The following SLC37A3 variants were observed in gnomAD, a reference collection of about 807,000 sequenced individuals.
SLC37A3 encodes the protein solute carrier family 37 member 3.
In SLC37A3, 51 loss-of-function variants were observed where a neutral mutation model predicts 67.1. The observed-to-expected ratio is 0.76, with a 90% CI of 0.61 to 0.96. SLC37A3 has a LOEUF of 0.96. SLC37A3 is among the 40% of genes least tolerant of loss of function. SLC37A3 has a pLI of 0.00. For synonymous variants in SLC37A3, 214 were observed against 231.4 expected, an observed-to-expected ratio of 0.92 and a Z score of 0.68; for missense variants, 508 against 603.0, an observed-to-expected ratio of 0.84 and a Z score of 1.65.
rs1412878036 is a variant in SLC37A3, at chr7:140,357,564, G to GAC, written c.521+1075_521+1076insGT. ...GGCAACACAGACCCTTTCTCTACAGGAAAAAAAAAAAAAAAAGATGACTCA... is the reference window on the plus strand; with the variant it reads ...GGCAACACAGACCCTTTCTCTACAGGACAAAAAAAAAAAAAAAAGATGACTCA... On this transcript the variant is annotated intron_variant, in intron 6 of 14. Transcript: ENST00000326232. 5.1e-5 allele frequency among the ~76,000 whole-genome samples: 6 copies of GAC among 118,674 alleles called. No homozygotes were observed. The East Asian group carries it at 1.4e-3, about 28-fold the overall frequency. The allele number at this position is 118,674 out of a possible 152,430, so 77.9% of individuals were successfully genotyped here. A position where few individuals can be genotyped will look rare whatever the true frequency, so the allele number is the denominator to read the frequency against.
intron 2 of SLC37A3, among the ~76,000 whole-genome samples, chr7:140,381,593 C>T (rs919715612): frequency 3.9e-5 from 6 of 151,950 alleles, no homozygotes; most frequent in African/African-American, 1.5e-4. Context: ...ATCTACTCAG[C>T]AGAAATGTCA....
chr7:140,389,589 G>C (rs1366027563), intron 1 of SLC37A3, among the ~76,000 whole-genome samples: 5 of 152,164 alleles, frequency 3.3e-5, no homozygotes, highest in African/African-American at 9.7e-5. Context: ...GAGAACCACT[G>C]TTTTGCCATT....
At chr7:140,343,278 CG>C in intron 13 of SLC37A3, 133 bp downstream of exon 13, 1 of 1,223,548 alleles carries the variant, frequency 8.2e-7, no homozygotes, top group South Asian at 1.3e-5. Context: ...TGAGGGGAGA[CG>C]GAAGTCCTTG....
intron 1 of SLC37A3, among the ~76,000 whole-genome samples, chr7:140,398,174 T>G (rs1009556396): frequency 2.8e-4 from 43 of 151,730 alleles, no homozygotes; most frequent in Non-Finnish European, 4.0e-4. Context: ...GGCCGCAGGG[T>G]CCCCCGGGGG....
intron 5 of SLC37A3, among the ~76,000 whole-genome samples, chr7:140,362,440 G>C (rs953287063): frequency 7.9e-6 from 1 of 126,532 alleles, no homozygotes; most frequent in Admixed American, 7.8e-5. Flanking sequence ...TCAGCCCCCC[G>C]CCCGGCCAGC....
intron 1 of SLC37A3, among the ~76,000 whole-genome samples, chr7:140,389,578 T>G (rs889040890): frequency 1.3e-4 from 20 of 152,190 alleles, no homozygotes; most frequent in Admixed American, 1.3e-3. Flanking sequence ...GCCGGCTCTG[T>G]GAGAACCACT....
chr7:140,358,499 C>G (rs1585293420), intron 6 of SLC37A3, 141 bp downstream of exon 6: 1 of 1,174,330 alleles, frequency 8.5e-7, no homozygotes, highest in Non-Finnish European at 1.2e-6. Context: ...GTGAAACCCT[C>G]TCTCCCTGAA....
intron 6 of SLC37A3, 106 bp from the exon 7 acceptor site, chr7:140,355,870 C>A: frequency 1.1e-6 from 1 of 875,862 alleles, no homozygotes; most frequent in Non-Finnish European, 1.8e-6. Context: ...ACTACCAAGA[C>A]TAAACATGCT....
Position 140,380,316 on chromosome 7 carries a change from C to T in SLC37A3, c.164G>A (p.Ser55Asn), listed in dbSNP as rs374148759. The T allele has an allele frequency of 2.8e-5, 45 of 1,613,372 alleles. 1 individual carries two copies. The East Asian group carries it at 4.7e-4, about 17-fold the overall frequency. Residue 55 changes from serine to asparagine, a missense_variant, in exon 3 of 15, where the codon AGT (serine) becomes AAT (asparagine). By Grantham distance (46) the Ser-to-Asn change is conservative. Coordinates refer to ENST00000326232, the MANE Select transcript of SLC37A3 (RefSeq NM_207113.3). ...KVSISEQWTP[S>N]AFNTSVELPV... is the part of the protein sequence containing the mutation. ...CAGCTCAACTGACGTGTTAAAAGCA[C>T]TTGGGGTCCACTGCTCAGAGATACT...
At position 140,362,206 on chromosome 7, in the gene SLC37A3, T is replaced by A. The variant is rs1228336388; in HGVS notation, c.375+2202A>T. On this transcript the variant is annotated intron_variant, in intron 5 of 14. Coordinates refer to ENST00000326232, the MANE Select transcript of SLC37A3 (RefSeq NM_207113.3). ...GGGGAGCGCCTCTGCCCCGCCGCCC[T>A]GTCTGGGATGTGAGGAGCGCCTCTG... is the stretch of plus-strand genomic sequence containing the variant. Among the ~76,000 whole-genome samples the A allele has an allele frequency of 4.1e-3, 521 of 128,358 alleles. 5 individuals carry two copies. In the South Asian group the frequency reaches 0.042, roughly 10 times the overall value. 84.2% of individuals were successfully genotyped at this position (128,358 alleles called of 152,430 possible). A position where few individuals can be genotyped will look rare whatever the true frequency, so the allele number is the denominator to read the frequency against.
chr7:140,385,195 G>A (rs950348246), intron 1 of SLC37A3, among the ~76,000 whole-genome samples: 1 of 152,140 alleles, frequency 6.6e-6, no homozygotes, highest in Non-Finnish European at 1.5e-5. Context: ...CCACTGATCT[G>A]CCAAGGATTA....
intron 5 of SLC37A3, among the ~76,000 whole-genome samples, chr7:140,359,073 C>T (rs569283806): frequency 6.6e-6 from 1 of 152,082 alleles, no homozygotes; most frequent in South Asian, 2.1e-4. Context: ...AATTCCAGGC[C>T]GGGCTCACGC....
rs765119152 is a variant in SLC37A3, at chr7:140,351,332, C to T, written c.823G>A (p.Val275Ile). Residue 275 changes from valine to isoleucine, a missense_variant, in exon 9 of 15, where the codon GTT becomes ATT. By Grantham distance (29) the Val-to-Ile change is conservative. Transcript: ENST00000326232. ...PNYSIQDDSS[V>I]AQVKAISFYQ... is the part of the protein sequence containing the mutation. Reference sequence around the variant, plus strand: ...AAGCTTATCGCCTTGACTTGGGCAACAGAACTATCATCTTGGATTGAATAA... The same window carrying T: ...AAGCTTATCGCCTTGACTTGGGCAATAGAACTATCATCTTGGATTGAATAA... The T allele has an allele frequency of 1.9e-6, 3 of 1,614,054 alleles. No homozygotes were observed. The African/African-American group carries it at 4.0e-5, about 22-fold the overall frequency.
At chr7:140,363,524 C>T (rs1797454929) in intron 5 of SLC37A3, among the ~76,000 whole-genome samples, 1 of 123,146 alleles carries the variant, frequency 8.1e-6, no homozygotes, top group Admixed American at 8.4e-5. Flanking sequence ...TCACCACTCC[C>T]TAATCTTAAG....
intron 1 of SLC37A3, among the ~76,000 whole-genome samples, chr7:140,393,232 G>T (rs1798790899): frequency 6.6e-6 from 1 of 152,150 alleles, no homozygotes; most frequent in Non-Finnish European, 1.5e-5. Flanking sequence ...GAGCCCCCAA[G>T]ATCACACATG....
intron 7 of SLC37A3, among the ~76,000 whole-genome samples, chr7:140,353,836 G>A (rs753729247): frequency 3.0e-4 from 46 of 151,982 alleles, no homozygotes; most frequent in Non-Finnish European, 5.9e-4. Context: ...CTCAGCCTCT[G>A]GAGTAGCTGG....
chr7:140,376,091 A>T (rs900683240), intron 3 of SLC37A3, among the ~76,000 whole-genome samples: 2 of 152,166 alleles, frequency 1.3e-5, no homozygotes, highest in Non-Finnish European at 2.9e-5. Context: ...GAAGTTACCA[A>T]AAACTCCCTG....
rs542605352 is a variant in SLC37A3 at position 140,367,299 on chromosome 7, T to C, written c.291+2291A>G. Among the ~76,000 whole-genome samples the C allele has an allele frequency of 2.0e-5, 3 of 151,924 alleles. No individual in the cohort carries two copies. In the East Asian group the frequency reaches 5.8e-4, roughly 29 times the overall value. On this transcript the variant is annotated intron_variant, in intron 4 of 14. Transcript: ENST00000326232. The stretch of plus-strand genomic sequence containing the variant: ...TAAAAATACAAACATTAGCTGGGCA[T>C]GATGGTGTGCACCTGTAATCCCAGC...
intron 1 of SLC37A3, among the ~76,000 whole-genome samples, chr7:140,383,017 A>G (rs1336713619): frequency 6.6e-6 from 1 of 152,146 alleles, no homozygotes; most frequent in Non-Finnish European, 1.5e-5. Context: ...AGCTCAGGGT[A>G]TAATGGTTCC....
Sources: gnomAD v4.1 joint callset for allele counts (sites outside exome capture counted in the v4.1 genomes callset) on GRCh38, gnomAD v4.1.1 for gene constraint, MANE v1.5 for transcripts, NCBI Gene and HGNC (gene_info 2026-07-23, HGNC 2026-07-21) for gene names.